The following RIMS2 variants were observed in gnomAD, a reference collection of about 807,000 sequenced individuals.
RIMS2 encodes the protein regulating synaptic membrane exocytosis 2.
A neutral mutation model predicts 174.4 loss-of-function variants in RIMS2; 59 were observed. That is an observed-to-expected ratio of 0.34 (90% CI 0.27 to 0.42). The LOEUF is 0.42. Among genes scored for constraint, RIMS2 ranks in the 10% least tolerant of loss-of-function variants. The pLI is 1.00. For synonymous variants in RIMS2, 606 were observed against 572.5 expected (o/e 1.06, Z -0.84); for missense variants, 1,620 against 1,666.3 (o/e 0.97, Z 0.48).
At chr8:104,165,188 G>A (rs1046093335) in intron 19 of RIMS2, among the ~76,000 whole-genome samples, 2 of 152,046 alleles carry the variant, frequency 1.3e-5, no homozygotes, top group African/African-American at 2.4e-5. Context: ...ACTAACTGTC[G>A]AATCTTTTTG....
chr8:104,066,624 A>G (rs975582855), intron 19 of RIMS2, among the ~76,000 whole-genome samples: 2 of 152,168 alleles, frequency 1.3e-5, no homozygotes, highest in African/African-American at 4.8e-5. Flanking sequence ...ATAGACTAAT[A>G]GGTATTTGTA....
At chr8:104,003,669 C>T (rs1364629036) in intron 17 of RIMS2, among the ~76,000 whole-genome samples, 1 of 152,096 alleles carries the variant, frequency 6.6e-6, no homozygotes, top group African/African-American at 2.4e-5. Flanking sequence ...CTGCTTTGGC[C>T]TCCCAAAGCA....
intron 3 of RIMS2, chr8:103,768,846 G>A (rs546303676): frequency 3.4e-6 from 2 of 589,002 alleles, no homozygotes; most frequent in African/African-American, 1.9e-5. Context: ...AGCACAAATG[G>A]TGCCATATTG....
chr8:103,603,278 G>T (rs1409678185), intron 1 of RIMS2, among the ~76,000 whole-genome samples: 2 of 151,706 alleles, frequency 1.3e-5, no homozygotes, highest in Non-Finnish European at 2.9e-5. Flanking sequence ...ATAGTTTACT[G>T]AGAATGATGC....
intron 17 of RIMS2, among the ~76,000 whole-genome samples, chr8:104,006,721 T>C (rs2095597865): frequency 1.3e-5 from 2 of 151,632 alleles, no homozygotes; most frequent in African/African-American, 4.9e-5. Flanking sequence ...TATTTTTACA[T>C]ATGCTTCCTT....
At chr8:104,121,057 T>C (rs1370553711) in intron 19 of RIMS2, among the ~76,000 whole-genome samples, 4 of 152,120 alleles carry the variant, frequency 2.6e-5, no homozygotes, top group African/African-American at 9.6e-5. Flanking sequence ...TTCTAGCTGC[T>C]ACACATAGGC....
chr8:103,501,558 G>T, intron 1 of RIMS2: 1 of 153,030 alleles, frequency 6.5e-6, no homozygotes, highest in Non-Finnish European at 1.5e-5. Context: ...TACCAGCAAC[G>T]CGGGACAGAG....
At chr8:104,114,619 A>C (rs1457451288) in intron 19 of RIMS2, among the ~76,000 whole-genome samples, 1 of 151,936 alleles carries the variant, frequency 6.6e-6, no homozygotes, top group African/African-American at 2.4e-5. Context: ...TTGTTCGTAA[A>C]TGTTAATCAT....
intron 11 of RIMS2, 78 bp from the exon 14 acceptor site, chr8:103,931,185 G>A (rs1203795229): frequency 1.9e-6 from 2 of 1,041,062 alleles, no homozygotes; most frequent in African/African-American, 3.2e-5. Flanking sequence ...TAAGAGAATG[G>A]GGTGAAGATT....
chr8:103,615,491 A>C (rs1201594815), intron 1 of RIMS2, among the ~76,000 whole-genome samples: 1 of 152,210 alleles, frequency 6.6e-6, no homozygotes, highest in Non-Finnish European at 1.5e-5. Context: ...GAACAAATCA[A>C]CACCAAAGCT....
chr8:104,236,219 T>G (rs913956405), intron 19 of RIMS2, among the ~76,000 whole-genome samples: 9 of 152,062 alleles, frequency 5.9e-5, no homozygotes, highest in Admixed American at 5.9e-4. Flanking sequence ...TTCTTACTCC[T>G]AGGCATGCTA....
chr8:103,702,626 G>T (rs368002302), intron 2 of RIMS2, among the ~76,000 whole-genome samples: 3 of 152,058 alleles, frequency 2.0e-5, no homozygotes, highest in Admixed American at 1.3e-4. Flanking sequence ...TCTGCTAATG[G>T]ATATTTAATT....
chr8:103,561,160 A>G (rs1474037136), intron 1 of RIMS2, among the ~76,000 whole-genome samples: 1 of 152,168 alleles, frequency 6.6e-6, no homozygotes, highest in East Asian at 1.9e-4. Context: ...AATCTGAAAT[A>G]TATATATATC....
intron 3 of RIMS2, among the ~76,000 whole-genome samples, chr8:103,807,967 G>C (rs2098661126): frequency 6.6e-6 from 1 of 151,896 alleles, no homozygotes; most frequent in South Asian, 2.1e-4. Context: ...CTTCTGTTTT[G>C]GCTGAAAAAA....
intron 17 of RIMS2, among the ~76,000 whole-genome samples, chr8:103,996,120 G>A (rs2095078111): frequency 6.6e-6 from 1 of 151,908 alleles, no homozygotes; most frequent in African/African-American, 2.4e-5. Context: ...CTTTAGAGAT[G>A]ATGGACTCCT....
chr8:104,057,702 A>G (rs1208842452), intron 19 of RIMS2, among the ~76,000 whole-genome samples: 1 of 147,058 alleles, frequency 6.8e-6, no homozygotes, highest in Non-Finnish European at 1.5e-5. Flanking sequence ...ATATCTCCTA[A>G]TGCTATCTCT....
At chr8:103,731,378 G>A (rs1440450842) in intron 2 of RIMS2, among the ~76,000 whole-genome samples, 3 of 152,076 alleles carry the variant, frequency 2.0e-5, no homozygotes, top group South Asian at 2.1e-4. Context: ...GCTGCTTTTA[G>A]GAAGCTTTTA....
chr8:104,242,605 C>A (rs909623613), intron 19 of RIMS2, among the ~76,000 whole-genome samples: 1 of 152,162 alleles, frequency 6.6e-6, no homozygotes, highest in African/African-American at 2.4e-5. Flanking sequence ...AGAGACTAGG[C>A]CAACTTTCTT....
intron 19 of RIMS2, 136 bp from the exon 23 acceptor site, chr8:104,068,376 T>C (rs2097139626): frequency 2.4e-6 from 1 of 416,734 alleles, no homozygotes; most frequent in Admixed American, 4.2e-5. Flanking sequence ...TAAAATAATA[T>C]GACATTTAAT....
Sources: gnomAD v4.1 joint callset for allele counts (sites outside exome capture counted in the v4.1 genomes callset) on GRCh38, gnomAD v4.1.1 for gene constraint, MANE v1.5 for transcripts, NCBI Gene and HGNC (gene_info 2026-07-23, HGNC 2026-07-21) for gene names.